The following MTUS1 variants were observed in gnomAD, a reference collection of about 807,000 sequenced individuals.
MTUS1 encodes the protein microtubule associated scaffold protein 1, also known as microtubule-associated tumor suppressor 1.
A neutral mutation model predicts 120.8 loss-of-function variants in MTUS1; 109 were observed. The observed-to-expected ratio is 0.90, with a 90% CI of 0.77 to 1.06. MTUS1 has a LOEUF of 1.06. Among genes scored for constraint, MTUS1 ranks in the 50% least tolerant of loss-of-function variants. The probability of loss-of-function intolerance (pLI) is 0.00; values close to 1 mark genes in which losing one functional copy is unlikely to be tolerated. For missense variants in MTUS1, 2,210 were observed against 1,486.3 expected, an observed-to-expected ratio of 1.49 and a Z score of -8.01; for synonymous variants, 737 against 550.5, an observed-to-expected ratio of 1.34 and a Z score of -4.74.
chr8:17,767,703 A>AAAAAAAAAACAAACAAACAAACAAAC (rs2049650661), intron 1 of MTUS1, among the ~76,000 whole-genome samples: 15 of 100,458 alleles, frequency 1.5e-4, no homozygotes, highest in Admixed American at 1.3e-3. Flanking sequence ...TGTCTCTTAA[A>AAAAAAAAAACAAACAAACAAACAAAC]AAAAAAAAAA....
intron 10 of MTUS1, chr8:17,653,940 G>A (rs1403648282): frequency 6.3e-6 from 1 of 158,722 alleles, no homozygotes; most frequent in African/African-American, 2.4e-5. Flanking sequence ...CCTGGAGCCA[G>A]TCACTTTTAC....
chr8:17,720,323 C>T (rs1305399266), intron 4 of MTUS1, among the ~76,000 whole-genome samples: 1 of 149,490 alleles, frequency 6.7e-6, no homozygotes, highest in Non-Finnish European at 1.5e-5. Context: ...CCAGCCTGGG[C>T]GACAAGAGCG....
In MTUS1 at chr8:17,662,249, CAT is replaced by C. The variant is rs1809898824; in HGVS notation, c.2906-6186_2906-6185del. On this transcript the variant is annotated intron_variant, in intron 8 of 14. Coordinates refer to ENST00000693296, the MANE Select transcript of MTUS1 (RefSeq NM_001363059.2). ...GACACCCCACAAAGCCAAAACCAAACATAAAATTGTTTCGAATTTGCAACAAG... is the reference window on the plus strand; with the variant it reads ...GACACCCCACAAAGCCAAAACCAAACAAAATTGTTTCGAATTTGCAACAAG... Among the ~76,000 whole-genome samples, 2 of 151,732 alleles carry C rather than the reference CAT, an allele frequency of 1.3e-5. 1 individual carries two copies. The highest frequency in any genetic ancestry group is 4.8e-5 in the African/African-American group (2 of 41,352).
At chr8:17,721,012 A>C (rs1203399921) in intron 4 of MTUS1, among the ~76,000 whole-genome samples, 1 of 152,214 alleles carries the variant, frequency 6.6e-6, no homozygotes, top group African/African-American at 2.4e-5. Context: ...TTATTTCTAT[A>C]GGATCCCAAA....
chr8:17,756,294 C>T (rs1376636230), intron 1 of MTUS1, among the ~76,000 whole-genome samples: 2 of 152,102 alleles, frequency 1.3e-5, no homozygotes, highest in South Asian at 2.1e-4. Flanking sequence ...GTATTTTCTT[C>T]TTGTTGGCTG....
At chr8:17,723,401 G>C in intron 4 of MTUS1, 1 of 486,686 alleles carries the variant, frequency 2.1e-6, no homozygotes, top group Middle Eastern at 5.4e-4. Context: ...AAATCCCCTG[G>C]GTTGCTACTC....
chr8:17,729,447 A>G (rs1010044317), intron 3 of MTUS1, among the ~76,000 whole-genome samples: 2 of 151,986 alleles, frequency 1.3e-5, no homozygotes, highest in East Asian at 1.9e-4. Context: ...CAAAATCCAT[A>G]TATTTCCTAT....
intron 1 of MTUS1, among the ~76,000 whole-genome samples, chr8:17,800,205 C>T (rs1415668681): frequency 6.6e-6 from 1 of 152,118 alleles, no homozygotes; most frequent in East Asian, 1.9e-4. Flanking sequence ...TGCCTCCCTT[C>T]CTCCTGAAAT....
chr8:17,796,813 T>C (rs1327937324), intron 1 of MTUS1, among the ~76,000 whole-genome samples: 2 of 152,106 alleles, frequency 1.3e-5, no homozygotes, highest in African/African-American at 4.8e-5. Context: ...TAGAAATAAA[T>C]TTTTAGGCCG....
intron 7 of MTUS1, among the ~76,000 whole-genome samples, chr8:17,680,740 G>A (rs955221300): frequency 2.0e-5 from 3 of 152,028 alleles, no homozygotes; most frequent in Non-Finnish European, 4.4e-5. Flanking sequence ...TAGAGGCCAG[G>A]TTGCATGAGG....
At chr8:17,710,903 T>C (rs2130996608) in intron 6 of MTUS1, among the ~76,000 whole-genome samples, 1 of 152,328 alleles carries the variant, frequency 6.6e-6, no homozygotes, top group East Asian at 1.9e-4. Context: ...TATATTACTA[T>C]GTAATACACT....
chr8:17,754,034 T>G lies in MTUS1; in HGVS notation c.1774A>C (p.Thr592Pro), dbSNP rs747712147. 1 of 1,614,160 alleles carries G rather than the reference T, an allele frequency of 6.2e-7. No homozygotes were observed. Among genetic ancestry groups the G allele is most frequent in the East Asian group, 2.2e-5 (1 of 44,886 alleles). The change falls in exon 2 of 15, where the codon ACT becomes CCT. Residue 592 changes from threonine (T) to proline (P), a missense_variant. Transcript: ENST00000693296. ...LITSQAVHVT[T>P]HSKNASHRVP... ...CTGTGTGAAGCATTTTTAGAATGAG[T>G]TGTAACATGCACAGCCTGGCTAGTA...
chr8:17,670,805 G>A (rs931815161), intron 8 of MTUS1, among the ~76,000 whole-genome samples: 1 of 150,268 alleles, frequency 6.7e-6, no homozygotes, highest in Non-Finnish European at 1.5e-5. Context: ...CCTGGCAACA[G>A]AGCAAGACCC....
At chr8:17,795,385 C>A (rs559522349) in intron 1 of MTUS1, among the ~76,000 whole-genome samples, 9 of 152,230 alleles carry the variant, frequency 5.9e-5, no homozygotes, top group African/African-American at 2.2e-4. Context: ...TACTAATTTT[C>A]TTTTCTTCTG....
At position 17,721,537 on chromosome 8, in the gene MTUS1, T is replaced by C. The variant is rs540407592; in HGVS notation, c.2449+2135A>G. 1.6e-4 allele frequency among the ~76,000 whole-genome samples: 25 copies of C among 152,186 alleles called. No homozygotes were observed. The South Asian group carries it at 4.1e-3, about 25-fold the overall frequency. ...AAAACACATAAAAGAGACAACAAAA[T>C]TGGTCCTACACAGAAGCATTCACAT... On this transcript the variant is annotated intron_variant, in intron 4 of 14. Coordinates refer to ENST00000693296, the MANE Select transcript of MTUS1 (RefSeq NM_001363059.2).
chr8:17,744,761 G>A (rs1014785822), intron 2 of MTUS1, among the ~76,000 whole-genome samples: 3 of 147,170 alleles, frequency 2.0e-5, no homozygotes, highest in African/African-American at 7.5e-5. Flanking sequence ...GGTCAGGCTG[G>A]TCTCAAACTC....
intron 5 of MTUS1, among the ~76,000 whole-genome samples, chr8:17,715,196 G>T (rs192020508): frequency 1.3e-5 from 2 of 152,054 alleles, no homozygotes; most frequent in Non-Finnish European, 2.9e-5. Context: ...GTGAGCCACC[G>T]CATGTGGCAC....
chr8:17,645,924 T>C lies in MTUS1; in HGVS notation c.*2A>G. On this transcript the variant is annotated 3_prime_UTR_variant, in exon 15 of 15. Coordinates refer to ENST00000693296, the MANE Select transcript of MTUS1 (RefSeq NM_001363059.2). ...AGAGAGTCTGTGGACTTTGGGGAGG[T>C]GTCATCTGGGTGAAATGCTGGGGCT... 3 of 1,609,908 alleles carry C rather than the reference T, an allele frequency of 1.9e-6. No individual in the cohort carries two copies. The highest frequency in any genetic ancestry group is 2.5e-6 in the Non-Finnish European group (3 of 1,179,104).
chr8:17,735,804 T>A (rs1343510922), intron 3 of MTUS1, among the ~76,000 whole-genome samples: 1 of 152,264 alleles, frequency 6.6e-6, no homozygotes, highest in Non-Finnish European at 1.5e-5. Context: ...TGCTGGGCAC[T>A]GGAAAATATG....
Sources: gnomAD v4.1 joint callset for allele counts (sites outside exome capture counted in the v4.1 genomes callset) on GRCh38, gnomAD v4.1.1 for gene constraint, MANE v1.5 for transcripts, NCBI Gene and HGNC (gene_info 2026-07-23, HGNC 2026-07-21) for gene names.